Variants in UGT1A6 observed in about 807,000 individuals in gnomAD.
UGT1A6 encodes UDP glucuronosyltransferase family 1 member A6, also known as UDP-glucuronosyltransferase 1A6.
A neutral mutation model predicts 44.4 loss-of-function variants in UGT1A6; 32 were observed. The ratio of observed to expected loss-of-function variants is 0.72; its 90% CI spans 0.54 to 0.97. UGT1A6 has a LOEUF of 0.97. UGT1A6 is among the 50% of genes least tolerant of loss of function. The pLI is 0.00. For synonymous variants in UGT1A6, 238 were observed against 248.5 expected (o/e 0.96, Z 0.40); for missense variants, 685 against 661.9 (o/e 1.03, Z -0.38).
chr2:233,717,911 C>T, intron 1 of UGT1A6: 1 of 454,770 alleles, frequency 2.2e-6, no homozygotes, highest in South Asian at 1.6e-5. Flanking sequence ...AAATAAAGGC[C>T]TGGATGAATG....
Position 233,772,859 on chromosome 2 carries a change from T to C in UGT1A6, c.*300T>C. 1.4e-6 allele frequency: 1 copy of C among 698,172 alleles called. No homozygotes were observed. Among genetic ancestry groups the C allele is most frequent in the Non-Finnish European group, 2.1e-6 (1 of 477,226 alleles). The allele number at this position is 698,172 out of a possible 1,614,324, so 43.2% of individuals were successfully genotyped here. On this transcript the variant is annotated 3_prime_UTR_variant, in exon 5 of 5. Transcript: ENST00000305139. ...AGATTACTTTTCTTACTCTGAAACA[T>C]GGCCTGTTTGGGAGTGCGGGATTCA...
intron 1 of UGT1A6, among the ~76,000 whole-genome samples, chr2:233,749,562 T>G (rs541768746): frequency 6.6e-6 from 1 of 151,876 alleles, no homozygotes; most frequent in African/African-American, 2.4e-5. Flanking sequence ...ATGTATTCAA[T>G]AGTGAGGCCA....
intron 1 of UGT1A6, chr2:233,730,054 A>T (rs2077976978): frequency 1.2e-6 from 2 of 1,611,936 alleles, no homozygotes; most frequent in East Asian, 4.5e-5. Context: ...AAAAAAATGT[A>T]TTTATTTAAA....
chr2:233,768,750 T>C (rs190233981), intron 4 of UGT1A6, among the ~76,000 whole-genome samples: 30 of 152,044 alleles, frequency 2.0e-4, no homozygotes, highest in Admixed American at 8.5e-4. Flanking sequence ...GCCCGGTTAA[T>C]TTTTGTATTT....
chr2:233,772,677 A>C lies in UGT1A6; in HGVS notation c.*118A>C. The C allele has an allele frequency of 1.4e-5, 22 of 1,531,978 alleles. No homozygotes were observed. The highest frequency in any genetic ancestry group is 1.8e-5 in the Non-Finnish European group (21 of 1,142,190). 94.9% of individuals were successfully genotyped at this position (1,531,978 alleles called of 1,614,324 possible). On this transcript the variant is annotated 3_prime_UTR_variant, in exon 5 of 5. Transcript: ENST00000305139. Reference sequence around the variant, plus strand: ...ATTAAGGAAATACTTTGCATAAATTAATCAGCCCCAGAGTGCTTTAAAAAA... The same window carrying C: ...ATTAAGGAAATACTTTGCATAAATTCATCAGCCCCAGAGTGCTTTAAAAAA...
At chr2:233,694,947 T>A (rs1431838527) in intron 1 of UGT1A6, among the ~76,000 whole-genome samples, 1 of 152,222 alleles carries the variant, frequency 6.6e-6, no homozygotes, top group Non-Finnish European at 1.5e-5. Flanking sequence ...AATTGAGATA[T>A]CCATCACCTT....
rs112085732 is a variant in UGT1A6 at position 233,747,405 on chromosome 2, G to T, written c.862-19629G>T. The T allele has an allele frequency of 4.4e-6, 7 of 1,607,054 alleles. No homozygotes were observed. In the African/African-American group the frequency reaches 6.7e-5, roughly 15 times the overall value. ...CCAGGCGGTGGTCCTCACCCCAGAG[G>T]TGAATATGCACATCAAACAAGAGAA... On this transcript the variant is annotated intron_variant, in intron 1 of 4. Coordinates refer to ENST00000305139, the MANE Select transcript of UGT1A6 (RefSeq NM_001072.4).
intron 1 of UGT1A6, chr2:233,753,490 A>T (rs1695218587): frequency 6.6e-6 from 1 of 152,072 alleles, no homozygotes. Context: ...GCTGCTCTTA[A>T]TTTTTTTCAG....
At chr2:233,737,930 G>C (rs867585936) in intron 1 of UGT1A6, among the ~76,000 whole-genome samples, 3 of 152,128 alleles carry the variant, frequency 2.0e-5, no homozygotes, top group African/African-American at 7.2e-5. Flanking sequence ...ATTTAGTAGT[G>C]AGTCCATTGA....
intron 1 of UGT1A6, among the ~76,000 whole-genome samples, chr2:233,717,477 G>T (rs551633792): frequency 6.6e-6 from 1 of 152,346 alleles, no homozygotes; most frequent in East Asian, 1.9e-4. Context: ...TGTGTCCAAA[G>T]GTGGAATCTG....
intron 1 of UGT1A6, among the ~76,000 whole-genome samples, chr2:233,748,343 G>T (rs192012783): frequency 6.6e-6 from 1 of 151,752 alleles, no homozygotes; most frequent in Non-Finnish European, 1.5e-5. Flanking sequence ...GAGACTGTTC[G>T]TTTGTAAAGG....
chr2:233,765,641 G>GGTCA (rs1313587077), intron 1 of UGT1A6, among the ~76,000 whole-genome samples: 3 of 151,492 alleles, frequency 2.0e-5, no homozygotes, highest in Non-Finnish European at 2.9e-5. Flanking sequence ...TTAGAGGATA[G>GGTCA]GTCAATAGGT....
rs1228261525 is a variant in UGT1A6 at position 233,707,568 on chromosome 2, T to G, written c.861+13703T>G. On this transcript the variant is annotated intron_variant, in intron 1 of 4. Transcript: ENST00000305139. ...TTTTTTTTTTGGTTCAACCTTATGT[T>G]TGAGAGATTCATGATGTGTGTTTTT... Among the ~76,000 whole-genome samples the G allele has an allele frequency of 2.0e-5, 3 of 152,064 alleles. No homozygotes were observed. In the East Asian group the frequency reaches 5.8e-4, roughly 29 times the overall value.
At chr2:233,755,054 C>G (rs748506326) in intron 1 of UGT1A6, 13 of 1,332,706 alleles carry the variant, frequency 9.8e-6, no homozygotes, top group South Asian at 6.9e-5. Context: ...CGCCCTCCGC[C>G]CTCGCCTCGC....
intron 1 of UGT1A6, among the ~76,000 whole-genome samples, chr2:233,748,516 C>G (rs60390282): frequency 6.6e-6 from 1 of 151,670 alleles, no homozygotes; most frequent in Non-Finnish European, 1.5e-5. Flanking sequence ...TCCTGTCTTG[C>G]GAATGATAGA....
At chr2:233,737,246 C>G (rs535872842) in intron 1 of UGT1A6, among the ~76,000 whole-genome samples, 2 of 152,238 alleles carry the variant, frequency 1.3e-5, no homozygotes, top group Non-Finnish European at 2.9e-5. Flanking sequence ...TGTTTACCTA[C>G]TCAAGCCTCA....
At chr2:233,747,373 G>C in intron 1 of UGT1A6, 1 of 1,604,624 alleles carries the variant, frequency 6.2e-7, no homozygotes, top group South Asian at 1.1e-5. Flanking sequence ...CTCCATGCCA[G>C]AGGCCACCAG....
intron 1 of UGT1A6, among the ~76,000 whole-genome samples, chr2:233,706,394 A>G (rs2075906140): frequency 6.6e-6 from 1 of 152,228 alleles, no homozygotes; most frequent in Non-Finnish European, 1.5e-5. Context: ...GGCCAAGTAC[A>G]TTTACCACTC....
intron 1 of UGT1A6, among the ~76,000 whole-genome samples, chr2:233,724,966 G>A (rs1480944004): frequency 1.5e-5 from 2 of 135,640 alleles, no homozygotes; most frequent in South Asian, 2.5e-4. Flanking sequence ...GGAGGCCGAG[G>A]TTGGCGGATC....
Sources: gnomAD v4.1 joint callset for allele counts (sites outside exome capture counted in the v4.1 genomes callset) on GRCh38, gnomAD v4.1.1 for gene constraint, MANE v1.5 for transcripts, NCBI Gene and HGNC (gene_info 2026-07-23, HGNC 2026-07-21) for gene names.